The following COL26A1 variants were observed in gnomAD, a reference collection of about 807,000 sequenced individuals.
COL26A1 encodes collagen alpha-1(XXVI) chain.
COL26A1 carries 41 observed loss-of-function variants against 59.3 expected under a neutral mutation model. The observed-to-expected ratio is 0.69, with a 90% CI of 0.54 to 0.90. The LOEUF (loss-of-function observed/expected upper bound fraction) is 0.90, where lower values mean the gene tolerates loss of function less well. COL26A1 is among the 40% of genes least tolerant of loss of function. COL26A1 has a pLI of 0.00. For missense variants in COL26A1, 612 were observed against 602.3 expected (o/e 1.02, Z -0.17); for synonymous variants, 266 against 256.0 (o/e 1.04, Z -0.37).
chr7:101,477,709 G>A (rs1272979571), intron 3 of COL26A1, among the ~76,000 whole-genome samples: 1 of 152,162 alleles, frequency 6.6e-6, no homozygotes, highest in Non-Finnish European at 1.5e-5. Flanking sequence ...GAGTGAAGGG[G>A]AGGACACAGA....
chr7:101,538,907 C>T (rs1027157697), intron 4 of COL26A1, among the ~76,000 whole-genome samples: 12 of 152,366 alleles, frequency 7.9e-5, no homozygotes, highest in Non-Finnish European at 8.8e-5. Context: ...AGGTCCTTCA[C>T]GCCCCTCGGC....
intron 1 of COL26A1, 95 bp downstream of exon 1, chr7:101,363,285 T>C: frequency 1.2e-6 from 1 of 814,490 alleles, no homozygotes; most frequent in Non-Finnish European, 1.5e-6. Context: ...GCTTGGGGGC[T>C]GGAGAGCGGG....
Position 101,368,158 on chromosome 7 carries a change from C to T in COL26A1, c.158+4968C>T, listed in dbSNP as rs147267117. 3.4e-4 allele frequency among the ~76,000 whole-genome samples: 51 copies of T among 152,228 alleles called. No homozygotes were observed. The East Asian group carries it at 9.6e-3, about 29-fold the overall frequency. ...ATCAAGAGCTTGGTTGGATCTAGTTCTTCCTCCTCCTTCGTTTTCTATTTT... is the reference window on the plus strand; with the variant it reads ...ATCAAGAGCTTGGTTGGATCTAGTTTTTCCTCCTCCTTCGTTTTCTATTTT... On this transcript the variant is annotated intron_variant, in intron 1 of 12. Coordinates refer to ENST00000313669, the MANE Select transcript of COL26A1 (RefSeq NM_001278563.3).
chr7:101,439,519 AC>A (rs891638363), intron 2 of COL26A1, among the ~76,000 whole-genome samples: 34 of 127,792 alleles, frequency 2.7e-4, no homozygotes, highest in East Asian at 1.8e-3. Context: ...GTGCCACTGC[AC>A]TCCAGCCTGG....
intron 3 of COL26A1, among the ~76,000 whole-genome samples, chr7:101,505,961 G>C (rs764526351): frequency 6.6e-6 from 1 of 152,190 alleles, no homozygotes; most frequent in Admixed American, 6.5e-5. Flanking sequence ...ACTAGACCCT[G>C]AGTCTCCTGG....
At chr7:101,489,801 T>A (rs1208444743) in intron 3 of COL26A1, among the ~76,000 whole-genome samples, 1 of 1,744 alleles carries the variant, frequency 5.7e-4, no homozygotes, top group Non-Finnish European at 1.5e-3. Context: ...TTTCTTTCTT[T>A]CTTTCTTTCT....
intron 3 of COL26A1, among the ~76,000 whole-genome samples, chr7:101,517,558 C>A (rs868153072): frequency 6.6e-6 from 1 of 152,114 alleles, no homozygotes; most frequent in Non-Finnish European, 1.5e-5. Flanking sequence ...GCGAGACTTA[C>A]TCACTATCAC....
At chr7:101,390,592 CT>C (rs1040211476) in intron 1 of COL26A1, among the ~76,000 whole-genome samples, 4 of 152,120 alleles carry the variant, frequency 2.6e-5, no homozygotes, top group African/African-American at 9.6e-5. Context: ...TGCCTGGCTA[CT>C]TTTTAAATTT....
chr7:101,423,305 T>C (rs560396718), intron 2 of COL26A1, among the ~76,000 whole-genome samples: 145 of 151,966 alleles, frequency 9.5e-4, no homozygotes, highest in Non-Finnish European at 1.9e-3. Flanking sequence ...AATACAATAA[T>C]GCACCTATAA....
At chr7:101,557,001 A>G (rs373760736) in intron 12 of COL26A1, among the ~76,000 whole-genome samples, 4 of 39,566 alleles carry the variant, frequency 1.0e-4, no homozygotes, top group African/African-American at 2.4e-4. Flanking sequence ...GGGTGGATGG[A>G]TGGATGGATG....
At chr7:101,436,589 C>T (rs1792920922) in intron 2 of COL26A1, among the ~76,000 whole-genome samples, 1 of 152,110 alleles carries the variant, frequency 6.6e-6, no homozygotes, top group Non-Finnish European at 1.5e-5. Flanking sequence ...TGTCCCCCCG[C>T]ACCCGAGGCA....
intron 3 of COL26A1, among the ~76,000 whole-genome samples, chr7:101,519,517 G>A (rs1406207641): frequency 6.6e-6 from 1 of 152,214 alleles, no homozygotes; most frequent in Non-Finnish European, 1.5e-5. Flanking sequence ...CTGCCACTCT[G>A]CACAGGCTGC....
chr7:101,442,526 C>A (rs1793083664), intron 2 of COL26A1, among the ~76,000 whole-genome samples: 1 of 152,186 alleles, frequency 6.6e-6, no homozygotes, highest in Non-Finnish European at 1.5e-5. Flanking sequence ...CCTTCCTTAT[C>A]TGCCATGCGA....
chr7:101,478,089 T>C (rs889809129), intron 3 of COL26A1, among the ~76,000 whole-genome samples: 1 of 152,174 alleles, frequency 6.6e-6, no homozygotes, highest in African/African-American at 2.4e-5. Context: ...TTGAAGCGAT[T>C]CTCCCACCTC....
intron 2 of COL26A1, among the ~76,000 whole-genome samples, chr7:101,429,434 T>C (rs1465631649): frequency 6.6e-6 from 1 of 152,050 alleles, no homozygotes; most frequent in Non-Finnish European, 1.5e-5. Flanking sequence ...TGGACATTTT[T>C]TTTTCTTTCT....
At chr7:101,522,613 A>T (rs1795160695) in intron 3 of COL26A1, among the ~76,000 whole-genome samples, 1 of 152,198 alleles carries the variant, frequency 6.6e-6, no homozygotes, top group Non-Finnish European at 1.5e-5. Flanking sequence ...AAGATGTTTG[A>T]TGCTGAAGTT....
intron 1 of COL26A1, among the ~76,000 whole-genome samples, chr7:101,396,632 T>G (rs1326465702): frequency 6.6e-6 from 1 of 152,056 alleles, no homozygotes; most frequent in Admixed American, 6.6e-5. Flanking sequence ...CTGGCTAATT[T>G]TTGTATTTTA....
intron 3 of COL26A1, among the ~76,000 whole-genome samples, chr7:101,494,127 CGTTTTGTTTT>C (rs148496430): frequency 0.022 from 3,329 of 151,504 alleles, 121 homozygotes; most frequent in African/African-American, 0.075. Flanking sequence ...ATTGCATTGT[CGTTTTGTTTT>C]GTTTTGTTTT....
intron 7 of COL26A1, among the ~76,000 whole-genome samples, chr7:101,546,362 G>A (rs1245383685): frequency 6.6e-6 from 1 of 151,896 alleles, no homozygotes; most frequent in Admixed American, 6.6e-5. Flanking sequence ...AGCCTCCTGA[G>A]TAGCTAGGAC....
Sources: gnomAD v4.1 joint callset for allele counts (sites outside exome capture counted in the v4.1 genomes callset) on GRCh38, gnomAD v4.1.1 for gene constraint, MANE v1.5 for transcripts, NCBI Gene and HGNC (gene_info 2026-07-23, HGNC 2026-07-21) for gene names.